The following LTV1 variants were observed in gnomAD, a reference collection of about 807,000 sequenced individuals.
LTV1 encodes the protein LTV1 ribosome biogenesis factor.
In LTV1, 39 loss-of-function variants were observed where a neutral mutation model predicts 59.9. That is an observed-to-expected ratio of 0.65 (90% CI 0.50 to 0.85). LTV1 has a LOEUF of 0.85. LTV1 is among the 40% of genes least tolerant of loss of function. LTV1 has a pLI of 0.00. For synonymous variants in LTV1, 171 were observed against 189.5 expected (o/e 0.90, Z 0.80); for missense variants, 493 against 549.1 (o/e 0.90, Z 1.02).
At chr6:143,846,325 A>T in intron 3 of LTV1, 101 bp downstream of exon 3, 1 of 1,073,172 alleles carries the variant, frequency 9.3e-7, no homozygotes. Flanking sequence ...TATGAAGAGC[A>T]CAAAGATAGA....
At chr6:143,849,892 TC>T (rs1189262466) in intron 3 of LTV1, among the ~76,000 whole-genome samples, 1 of 152,180 alleles carries the variant, frequency 6.6e-6, no homozygotes, top group African/African-American at 2.4e-5. Flanking sequence ...GAGGCCTCAC[TC>T]CAGTCTGCTG....
intron 7 of LTV1, among the ~76,000 whole-genome samples, chr6:143,861,219 T>G (rs903854453): frequency 6.6e-6 from 1 of 152,062 alleles, no homozygotes; most frequent in Non-Finnish European, 1.5e-5. Flanking sequence ...TTTTTTAACT[T>G]TTATTTATTT....
chr6:143,847,653 G>C lies in LTV1; in HGVS notation c.309+1429G>C, dbSNP rs183673191. Reference sequence around the variant, plus strand: ...TGGGATTACAGGCGTGAGCCACCGCGCCCGGTCGTATAAGACTAACTTTTA... The same window carrying C: ...TGGGATTACAGGCGTGAGCCACCGCCCCCGGTCGTATAAGACTAACTTTTA... On this transcript the variant is annotated intron_variant, in intron 3 of 10. Transcript: ENST00000367576. 2.2e-3 allele frequency among the ~76,000 whole-genome samples: 333 copies of C among 152,296 alleles called. 1 individual carries two copies. Among genetic ancestry groups the C allele is most frequent in the African/African-American group, 7.8e-3 (326 of 41,548 alleles).
At chr6:143,858,041 A>G (rs1777108356) in intron 6 of LTV1, 34 bp downstream of exon 6, 9 of 1,588,514 alleles carry the variant, frequency 5.7e-6, no homozygotes, top group Non-Finnish European at 7.7e-6. Context: ...CTTTAGTACT[A>G]TCTTATGTTA....
chr6:143,846,561 G>A (rs1326843356), intron 3 of LTV1, among the ~76,000 whole-genome samples: 3 of 152,152 alleles, frequency 2.0e-5, no homozygotes, highest in Non-Finnish European at 4.4e-5. Context: ...ATAAACTCTT[G>A]TTCTAAGATA....
intron 2 of LTV1, among the ~76,000 whole-genome samples, chr6:143,845,478 C>T (rs1056616495): frequency 6.6e-6 from 1 of 152,164 alleles, no homozygotes; most frequent in Non-Finnish European, 1.5e-5. Context: ...TGGGCTCAAG[C>T]GATCCTCCCA....
At chr6:143,858,353 T>G in intron 6 of LTV1, 2 of 232,440 alleles carry the variant, frequency 8.6e-6, no homozygotes, top group Non-Finnish European at 1.8e-5. Context: ...CTGTAATAGT[T>G]TTATTCTCAC....
chr6:143,863,363 CTG>C lies in LTV1; in HGVS notation c.1318-52_1318-51del, dbSNP rs780711607. 15 of 1,592,056 alleles carry C rather than the reference CTG, an allele frequency of 9.4e-6. No individual in the cohort carries two copies. Among genetic ancestry groups the C allele is most frequent in the Admixed American group, 1.7e-5 (1 of 59,182 alleles). ...ATTAGGGGAATTTTGTAAAAGCAGT[CTG>C]TATCAGTTTAAAGATGTGAATAATA... On this transcript the variant is annotated intron_variant, in intron 10 of 10. Transcript: ENST00000367576. The surrounding 1 kb of genome is among the most constrained non-coding windows in gnomAD (Gnocchi z 4.5).
Position 143,863,326 on chromosome 6 carries a change from G to C in LTV1, c.1317+40G>C. 6.2e-7 allele frequency: 1 copy of C among 1,603,216 alleles called. No individual in the cohort carries two copies. The highest frequency in any genetic ancestry group is 8.5e-7 in the Non-Finnish European group (1 of 1,172,320). Reference sequence around the variant, plus strand: ...TCAAATGTGAGATTTACAAAGAGCTGGTGGAGGGGAAATTAGGGGAATTTT... The same window carrying C: ...TCAAATGTGAGATTTACAAAGAGCTCGTGGAGGGGAAATTAGGGGAATTTT... On this transcript the variant is annotated intron_variant, in intron 10 of 10. Coordinates refer to ENST00000367576, the MANE Select transcript of LTV1 (RefSeq NM_032860.5). This position sits in a 1 kb window ranked among gnomAD's most constrained non-coding sequence, Gnocchi z 4.5.
chr6:143,857,449 G>A lies in LTV1; in HGVS notation c.539+5G>A. 23 of 1,612,444 alleles carry A rather than the reference G, an allele frequency of 1.4e-5. No individual in the cohort carries two copies. Among genetic ancestry groups the A allele is most frequent in the Non-Finnish European group, 1.9e-5 (22 of 1,178,616 alleles). On this transcript the variant is annotated splice_donor_5th_base_variant and intron_variant, in intron 5 of 10. Transcript: ENST00000367576. The surrounding 1 kb of genome is among the most constrained non-coding windows in gnomAD (Gnocchi z 5.2). ...GGAAGAGGGAATGGATATACAGTAT[G>A]TGTGGTTTGTTTCAAAGCAGAGATG...
intron 1 of LTV1, 116 bp downstream of exon 1, chr6:143,843,596 T>G: frequency 3.7e-6 from 5 of 1,356,334 alleles, no homozygotes; most frequent in Non-Finnish European, 5.1e-6. Flanking sequence ...AGAGGCTGCT[T>G]GCGGCACGGT....
chr6:143,859,291 A>G (rs185854116), intron 6 of LTV1, among the ~76,000 whole-genome samples: 1 of 152,354 alleles, frequency 6.6e-6, no homozygotes, highest in East Asian at 1.9e-4. Context: ...CTGTTTATAC[A>G]GGTTTTTAAT....
At position 143,863,802 on chromosome 6, in the gene LTV1, C is replaced by T. The variant is rs555551581; in HGVS notation, c.*275C>T. On this transcript the variant is annotated 3_prime_UTR_variant, in exon 11 of 11. Transcript: ENST00000367576. This position sits in a 1 kb window ranked among gnomAD's most constrained non-coding sequence, Gnocchi z 4.5. The stretch of plus-strand genomic sequence containing the variant: ...TTGATAAATTAAAGGAAAATATCTT[C>T]ATAACGTGAATGGAATTGGTGTATT... 18 of 258,438 alleles carry T rather than the reference C, an allele frequency of 7.0e-5. No homozygotes were observed. The highest frequency in any genetic ancestry group is 1.5e-4 in the Admixed American group (3 of 20,652). 16.0% of individuals were successfully genotyped at this position (258,438 alleles called of 1,614,324 possible).
At chr6:143,849,023 G>C (rs1193051804) in intron 3 of LTV1, among the ~76,000 whole-genome samples, 1 of 152,186 alleles carries the variant, frequency 6.6e-6, no homozygotes, top group Non-Finnish European at 1.5e-5. Context: ...ATAGGTCCTT[G>C]AGAACCAGGG....
chr6:143,845,767 A>G lies in LTV1; in HGVS notation c.136-284A>G, dbSNP rs35963315. ...CTCAAAATGTTGCACAGAAATGTCT[A>G]GTGGAAGGAGCAATTGTTATTTATT... On this transcript the variant is annotated intron_variant, in intron 2 of 10. Transcript: ENST00000367576. Among the ~76,000 whole-genome samples the G allele has an allele frequency of 6.9e-3, 1,045 of 152,362 alleles. 13 individuals are homozygous for G. The highest frequency in any genetic ancestry group is 0.028 in the South Asian group (135 of 4,830).
intron 2 of LTV1, among the ~76,000 whole-genome samples, chr6:143,845,055 A>T (rs1034981862): frequency 3.3e-5 from 5 of 152,182 alleles, no homozygotes; most frequent in African/African-American, 1.2e-4. Context: ...ATATATGCTC[A>T]AACTGTGCTT....
rs1399430228 is a variant in LTV1, at chr6:143,855,054, T to C, written c.398-2249T>C. ...TAATATTGACAGTGGGGTGTTAAAGTCTCCCATTATTATTGTGTGGGAGTC... is the reference window on the plus strand; with the variant it reads ...TAATATTGACAGTGGGGTGTTAAAGCCTCCCATTATTATTGTGTGGGAGTC... On this transcript the variant is annotated intron_variant, in intron 4 of 10. Transcript: ENST00000367576. The surrounding 1 kb of genome is among the most constrained non-coding windows in gnomAD (Gnocchi z 4.6). Among the ~76,000 whole-genome samples, 1 of 152,162 alleles carries C rather than the reference T, an allele frequency of 6.6e-6. No homozygotes were observed. Among genetic ancestry groups the C allele is most frequent in the African/African-American group, 2.4e-5 (1 of 41,438 alleles).
At chr6:143,843,866 G>C (rs907150525) in intron 1 of LTV1, among the ~76,000 whole-genome samples, 3 of 152,214 alleles carry the variant, frequency 2.0e-5, no homozygotes, top group Non-Finnish European at 4.4e-5. Context: ...CTGCCTGTCT[G>C]TTTCCTCTGA....
chr6:143,844,551 G>C lies in LTV1; in HGVS notation c.69G>C (p.Arg23=). The C allele has an allele frequency of 6.2e-7, 1 of 1,614,022 alleles. No homozygotes were observed. Among genetic ancestry groups the C allele is most frequent in the Non-Finnish European group, 8.5e-7 (1 of 1,179,990 alleles). ...CTGTGTCTTTTCACTTGGTCCACCG[G>C]AGCCAACGAGATCCTTTAGCAGCAG... ...KKAVSFHLVH[R]SQRDPLAADE... is the part of the protein sequence containing the mutation. Residue 23 remains arginine, a synonymous_variant, in exon 2 of 11, where the codon CGG becomes CGC. Transcript: ENST00000367576.
Sources: allele counts gnomAD v4.1 joint callset (sites outside exome capture counted in the v4.1 genomes callset), GRCh38; gene constraint gnomAD v4.1.1; non-coding constraint Gnocchi (gnomAD v3.1); transcripts MANE v1.5; gene names NCBI Gene and HGNC (gene_info 2026-07-23, HGNC 2026-07-21).